CFAP251: variants seen among roughly 807,000 people sequenced by gnomAD.
CFAP251 encodes the protein cilia and flagella associated protein 251.
CFAP251 carries 93 observed loss-of-function variants against 126.7 expected under a neutral mutation model. That is an observed-to-expected ratio of 0.73 (90% CI 0.62 to 0.87). The LOEUF is 0.87. CFAP251 is among the 40% of genes least tolerant of loss of function. The probability of loss-of-function intolerance (pLI) is 0.00; values close to 1 mark genes in which losing one functional copy is unlikely to be tolerated. For synonymous variants in CFAP251, 503 were observed against 506.9 expected, an observed-to-expected ratio of 0.99 and a Z score of 0.10; for missense variants, 1,287 against 1,389.2, an observed-to-expected ratio of 0.93 and a Z score of 1.17.
At position 121,983,151 on chromosome 12, in the gene CFAP251, G is replaced by A. The variant is rs183568512; in HGVS notation, c.3006+7466G>A. On this transcript the variant is annotated intron_variant, in intron 19 of 21. Transcript: ENST00000288912. ...CTGAGGTGGGAAGGATCGAAGGATC[G>A]CTTGCGCACAGGAGATCAAGACTGT... Among the ~76,000 whole-genome samples the A allele has an allele frequency of 3.9e-5, 6 of 152,236 alleles. No individual in the cohort carries two copies. In the East Asian group the frequency reaches 9.7e-4, roughly 25 times the overall value.
At chr12:121,972,596 C>T (rs920689302) in intron 17 of CFAP251, among the ~76,000 whole-genome samples, 15 of 151,678 alleles carry the variant, frequency 9.9e-5, no homozygotes. Context: ...TCAAGTGATT[C>T]TCCTGCCTCA....
intron 19 of CFAP251, among the ~76,000 whole-genome samples, chr12:121,994,929 G>A (rs1882989755): frequency 7.0e-6 from 1 of 142,812 alleles, no homozygotes; most frequent in Non-Finnish European, 1.5e-5. Context: ...ATCCCCCTCT[G>A]TGAGAAACAC....
chr12:121,919,470 C>T (rs911397802), intron 1 of CFAP251, among the ~76,000 whole-genome samples: 1 of 152,104 alleles, frequency 6.6e-6, no homozygotes, highest in South Asian at 2.1e-4. Flanking sequence ...ATAACAACTG[C>T]TACCATTTTT....
At chr12:121,957,668 T>C (rs1399103297) in intron 11 of CFAP251, among the ~76,000 whole-genome samples, 5 of 137,282 alleles carry the variant, frequency 3.6e-5, no homozygotes, top group Non-Finnish European at 7.6e-5. Flanking sequence ...AGCGCCACTC[T>C]ACTCCAGCCT....
In CFAP251 at chr12:121,921,546, G is replaced by A. The variant is rs1007720103; in HGVS notation, c.241G>A (p.Ala81Thr). 4 of 1,613,898 alleles carry A rather than the reference G, an allele frequency of 2.5e-6. No homozygotes were observed. The highest frequency in any genetic ancestry group is 3.4e-6 in the Non-Finnish European group (4 of 1,179,978). ...TGTCATGGAAGAAACTGAGGAAAAGGCTGGAGAAGTCCAAGAGAAGGAGGC... is the reference window on the plus strand; with the variant it reads ...TGTCATGGAAGAAACTGAGGAAAAGACTGGAGAAGTCCAAGAGAAGGAGGC... ...KIVMEETEEK[A>T]GEVQEKEASG... The change falls in exon 2 of 22, where the codon GCT (alanine) becomes ACT (threonine). Residue 81 changes from alanine (A) to threonine (T), a missense_variant. Transcript: ENST00000288912.
In CFAP251 at chr12:122,001,509, C is replaced by T. The variant is rs369456130; in HGVS notation, c.3248C>T (p.Thr1083Met). Reference sequence around the variant, plus strand: ...CTTTGACACACAGGTGAGCATATGACGGAGGAGGAGATGTTGGATTGCTTT... The same window carrying T: ...CTTTGACACACAGGTGAGCATATGATGGAGGAGGAGATGTTGGATTGCTTT... ...RLLVTKGEHM[T>M]EEEMLDCFAS... Residue 1083 changes from threonine to methionine, a missense_variant, in exon 21 of 22, where the codon ACG becomes ATG. Transcript: ENST00000288912. The T allele has an allele frequency of 5.0e-6, 8 of 1,613,808 alleles. No homozygotes were observed. The East Asian group carries it at 6.7e-5, about 13-fold the overall frequency.
chr12:121,935,892 C>T (rs80004222), intron 5 of CFAP251, among the ~76,000 whole-genome samples: 9,007 of 152,236 alleles, frequency 0.059, 497 homozygotes, highest in East Asian at 0.21. Context: ...TGGAGAGTCT[C>T]TCTGGTATCA....
chr12:121,990,598 T>TC (rs1355415775), intron 19 of CFAP251, among the ~76,000 whole-genome samples: 3 of 152,172 alleles, frequency 2.0e-5, no homozygotes, highest in African/African-American at 4.8e-5. Context: ...CAGGAAGCCT[T>TC]CCCGAAGCCC....
chr12:121,929,956 G>T (rs1880613048), intron 3 of CFAP251, among the ~76,000 whole-genome samples: 1 of 151,954 alleles, frequency 6.6e-6, no homozygotes, highest in South Asian at 2.1e-4. Context: ...GGGATTACAG[G>T]CGTGAGCCAC....
At chr12:121,929,935 C>T (rs931688246) in intron 3 of CFAP251, among the ~76,000 whole-genome samples, 1 of 152,196 alleles carries the variant, frequency 6.6e-6, no homozygotes. Flanking sequence ...GCCTCGGCCT[C>T]CCAAAGTGTT....
rs531527779 is a variant in CFAP251 at position 121,978,663 on chromosome 12, G to A, written c.3006+2978G>A. On this transcript the variant is annotated intron_variant, in intron 19 of 21. Transcript: ENST00000288912. Reference sequence around the variant, plus strand: ...TATATCAACATTATACAGAGGATGCGTGTGCATATACATATGTATCGACAT... The same window carrying A: ...TATATCAACATTATACAGAGGATGCATGTGCATATACATATGTATCGACAT... Among the ~76,000 whole-genome samples the A allele has an allele frequency of 9.2e-5, 14 of 152,134 alleles. 1 individual carries two copies. Among genetic ancestry groups the A allele is most frequent in the South Asian group, 6.2e-4 (3 of 4,822 alleles).
intron 19 of CFAP251, among the ~76,000 whole-genome samples, chr12:121,994,964 A>C (rs1462432190): frequency 7.3e-6 from 1 of 137,110 alleles, no homozygotes; most frequent in Non-Finnish European, 1.6e-5. Context: ...TAAAAAAATA[A>C]ATTAAAAAAA....
intron 11 of CFAP251, 144 bp downstream of exon 11, chr12:121,957,412 A>G (rs1881763624): frequency 2.2e-6 from 2 of 904,994 alleles, no homozygotes; most frequent in Non-Finnish European, 3.2e-6. Flanking sequence ...TAAAAAATTA[A>G]TGAAACATAA....
chr12:121,953,912 A>G, intron 9 of CFAP251: 1 of 580,414 alleles, frequency 1.7e-6, no homozygotes, highest in South Asian at 2.1e-5. Context: ...AACAGAGTAC[A>G]TAACCCTTCA....
In CFAP251 at chr12:121,974,199, C is replaced by T. The variant is rs1179066489; in HGVS notation, c.2772-1045C>T. On this transcript the variant is annotated intron_variant, in intron 17 of 21. Coordinates refer to ENST00000288912, the MANE Select transcript of CFAP251 (RefSeq NM_144668.6). The surrounding 1 kb of genome is among the most constrained non-coding windows in gnomAD (Gnocchi z 4.6). ...CCTGATTCACTTGGTCTCTCATTCTCTCTCTTGCCACTGCCATGTGAGACA... is the reference window on the plus strand; with the variant it reads ...CCTGATTCACTTGGTCTCTCATTCTTTCTCTTGCCACTGCCATGTGAGACA... Among the ~76,000 whole-genome samples, 1 of 152,120 alleles carries T rather than the reference C, an allele frequency of 6.6e-6. No individual in the cohort carries two copies. The highest frequency in any genetic ancestry group is 2.4e-5 in the African/African-American group (1 of 41,416).
chr12:121,951,575 A>G (rs1382530888), intron 9 of CFAP251, 45 bp downstream of exon 9: 4 of 1,405,474 alleles, frequency 2.8e-6, no homozygotes, highest in African/African-American at 1.4e-5. Flanking sequence ...TTTGTGGAGA[A>G]TAAATATTTA....
In CFAP251 at chr12:121,942,976, G is replaced by A. The variant is rs745438529; in HGVS notation, c.1191+1G>A. 124 of 1,614,048 alleles carry A rather than the reference G, an allele frequency of 7.7e-5. No homozygotes were observed. The highest frequency in any genetic ancestry group is 1.0e-4 in the Non-Finnish European group (118 of 1,180,016). On this transcript the variant is annotated splice_donor_variant, in intron 7 of 21. Coordinates refer to ENST00000288912, the MANE Select transcript of CFAP251 (RefSeq NM_144668.6). LOFTEE classifies it high-confidence loss of function. ...ACTCCCCACAGAGTACGGTGTTCAG[G>A]TGAGTTCAGTTGGAGCCTGTAAACA...
At chr12:121,924,426 CTTTTTTTTTTTT>C (rs59759704) in intron 3 of CFAP251, among the ~76,000 whole-genome samples, 1 of 90,284 alleles carries the variant, frequency 1.1e-5, no homozygotes, top group Non-Finnish European at 1.9e-5. Flanking sequence ...AGACTTGTGT[CTTTTTTTTTTTT>C]TTTTTTTTTT....
intron 16 of CFAP251, among the ~76,000 whole-genome samples, chr12:121,967,634 G>A (rs1400628473): frequency 1.3e-5 from 2 of 152,184 alleles, no homozygotes; most frequent in Non-Finnish European, 2.9e-5. Context: ...CCCGGGAGGC[G>A]GAGTTTGCAG....
Sources: allele counts gnomAD v4.1 joint callset (sites outside exome capture counted in the v4.1 genomes callset), GRCh38; gene constraint gnomAD v4.1.1; non-coding constraint Gnocchi (gnomAD v3.1); transcripts MANE v1.5; gene names NCBI Gene and HGNC (gene_info 2026-07-23, HGNC 2026-07-21).